The following CDH2 variants were observed in gnomAD, a reference collection of about 807,000 sequenced individuals.
CDH2 encodes cadherin-2.
In CDH2, 17 loss-of-function variants were observed where a neutral mutation model predicts 92.0. That is an observed-to-expected ratio of 0.18 (90% CI 0.13 to 0.28). The LOEUF (loss-of-function observed/expected upper bound fraction) is 0.28, where lower values mean the gene tolerates loss of function less well. CDH2 is among the 10% of genes least tolerant of loss of function. CDH2 has a pLI of 1.00. For missense variants in CDH2, 862 were observed against 1,133.1 expected, an observed-to-expected ratio of 0.76 and a Z score of 3.44; for synonymous variants, 419 against 415.9, an observed-to-expected ratio of 1.01 and a Z score of -0.09.
intron 7 of CDH2, among the ~76,000 whole-genome samples, chr18:27,996,022 T>C (rs2012569724): frequency 6.6e-6 from 1 of 152,272 alleles, no homozygotes; most frequent in Middle Eastern, 3.4e-3. Flanking sequence ...CCCACTCTCA[T>C]AGTACCTCAG....
chr18:28,105,660 T>TCA (rs1399598699), intron 2 of CDH2, among the ~76,000 whole-genome samples: 1 of 152,156 alleles, frequency 6.6e-6, no homozygotes, highest in African/African-American at 2.4e-5. Context: ...TAAACCTTTC[T>TCA]CACACACCTC....
chr18:28,152,873 G>T (rs1033323717), intron 1 of CDH2, among the ~76,000 whole-genome samples: 4 of 152,118 alleles, frequency 2.6e-5, no homozygotes, highest in Admixed American at 6.5e-5. Context: ...AAAAGGGGCA[G>T]ATTTTGTCAA....
At chr18:28,095,665 C>T (rs1312717874) in intron 2 of CDH2, among the ~76,000 whole-genome samples, 1 of 151,922 alleles carries the variant, frequency 6.6e-6, no homozygotes, top group East Asian at 1.9e-4. Context: ...TAAAAATTAG[C>T]TGTGCATGAT....
chr18:28,126,989 T>TG (rs1460530783), intron 2 of CDH2, among the ~76,000 whole-genome samples: 1 of 152,016 alleles, frequency 6.6e-6, no homozygotes, highest in African/African-American at 2.4e-5. Flanking sequence ...GCTGGAGGGG[T>TG]GCTCCAGAGC....
At chr18:28,149,826 G>A (rs562603640) in intron 1 of CDH2, among the ~76,000 whole-genome samples, 2 of 152,304 alleles carry the variant, frequency 1.3e-5, no homozygotes, top group Non-Finnish European at 2.9e-5. Context: ...GATCCGCATA[G>A]ACACACAGGT....
chr18:28,038,279 C>G (rs934279028), intron 2 of CDH2, among the ~76,000 whole-genome samples: 5 of 151,968 alleles, frequency 3.3e-5, no homozygotes, highest in Admixed American at 2.0e-4. Flanking sequence ...AAAAATTAGC[C>G]AGGCATGGTG....
intron 2 of CDH2, among the ~76,000 whole-genome samples, chr18:28,134,798 A>C (rs1395597398): frequency 1.3e-5 from 2 of 152,224 alleles, no homozygotes; most frequent in African/African-American, 2.4e-5. Flanking sequence ...AGAGAAACCA[A>C]GCAAAGTTGT....
intron 14 of CDH2, among the ~76,000 whole-genome samples, chr18:27,970,001 A>T (rs2011618041): frequency 6.6e-6 from 1 of 152,180 alleles, no homozygotes; most frequent in Non-Finnish European, 1.5e-5. Flanking sequence ...ATTCTGTCTC[A>T]ACAAAATAAT....
downstream of CDH2, among the ~76,000 whole-genome samples, chr18:27,949,741 A>G (rs571376854): frequency 6.6e-5 from 10 of 152,030 alleles, no homozygotes; most frequent in Non-Finnish European, 1.5e-4. Flanking sequence ...GCGGGTTTCC[A>G]TTTTTTATTA....
At chr18:27,976,378 G>A (rs574936819) in intron 14 of CDH2, among the ~76,000 whole-genome samples, 16 of 152,280 alleles carry the variant, frequency 1.1e-4, no homozygotes, top group African/African-American at 3.9e-4. Context: ...AAGGCCTTGG[G>A]ATGGTTAATG....
At chr18:28,037,487 G>A (rs1249234703) in intron 2 of CDH2, among the ~76,000 whole-genome samples, 2 of 152,122 alleles carry the variant, frequency 1.3e-5, no homozygotes, top group African/African-American at 2.4e-5. Flanking sequence ...AGAATATTGT[G>A]GGAAGCAGCG....
chr18:27,982,110 A>T (rs1025557619), intron 14 of CDH2, among the ~76,000 whole-genome samples: 28 of 152,306 alleles, frequency 1.8e-4, no homozygotes, highest in African/African-American at 6.7e-4. Context: ...AAAAGTGGAG[A>T]TGTTCACAGT....
chr18:27,996,665 A>G (rs937367636), intron 7 of CDH2, among the ~76,000 whole-genome samples: 1 of 143,530 alleles, frequency 7.0e-6, no homozygotes, highest in African/African-American at 2.7e-5. Flanking sequence ...AGAGACACAG[A>G]CACACACACA....
downstream of CDH2, among the ~76,000 whole-genome samples, chr18:27,947,704 GTA>G (rs1598979141): frequency 7.3e-6 from 1 of 137,598 alleles, no homozygotes; most frequent in East Asian, 2.0e-4. Flanking sequence ...TATGATGTAA[GTA>G]TATGTGATAT....
intron 2 of CDH2, among the ~76,000 whole-genome samples, chr18:28,104,076 CT>C (rs2015281577): frequency 6.6e-6 from 1 of 152,122 alleles, no homozygotes; most frequent in Non-Finnish European, 1.5e-5. Flanking sequence ...CTGGCTATGA[CT>C]TTTTCCTGTC....
intron 2 of CDH2, 41 bp from the exon 3 acceptor site, chr18:28,013,950 CA>C: frequency 7.0e-7 from 1 of 1,420,546 alleles, no homozygotes; most frequent in South Asian, 1.2e-5. Flanking sequence ...ATAATTATAC[CA>C]AAAAGGCAAA....
chr18:27,986,176 A>G (rs537006273), intron 11 of CDH2, among the ~76,000 whole-genome samples: 13 of 152,304 alleles, frequency 8.5e-5, no homozygotes, highest in South Asian at 2.1e-4. Context: ...ATGAAAGAAC[A>G]TAAGAATGCT....
intron 2 of CDH2, among the ~76,000 whole-genome samples, chr18:28,088,876 G>A (rs923151397): frequency 1.3e-5 from 2 of 152,080 alleles, no homozygotes; most frequent in African/African-American, 4.8e-5. Context: ...CAAATTCTAC[G>A]CTGGGTGTCA....
At chr18:27,973,111 G>A (rs17445700) in intron 14 of CDH2, among the ~76,000 whole-genome samples, 22,566 of 152,102 alleles carry the variant, frequency 0.15, 2,107 homozygotes, top group East Asian at 0.39. Flanking sequence ...CATAGGAACT[G>A]TGGGTTCTTA....
Sources: gnomAD v4.1 joint callset for allele counts (sites outside exome capture counted in the v4.1 genomes callset) on GRCh38, gnomAD v4.1.1 for gene constraint, MANE v1.5 for transcripts, NCBI Gene and HGNC (gene_info 2026-07-23, HGNC 2026-07-21) for gene names.